FAM13C: variants seen among roughly 807,000 people sequenced by gnomAD.
The protein encoded by FAM13C is family with sequence similarity 13 member C, also known as protein FAM13C.
A neutral mutation model predicts 73.2 loss-of-function variants in FAM13C; 37 were observed. The observed-to-expected ratio is 0.51, with a 90% CI of 0.39 to 0.67. FAM13C has a LOEUF of 0.67. FAM13C is among the 30% of genes least tolerant of loss of function. The pLI is 0.00. For missense variants in FAM13C, 589 were observed against 715.6 expected, an observed-to-expected ratio of 0.82 and a Z score of 2.02; for synonymous variants, 246 against 260.9, an observed-to-expected ratio of 0.94 and a Z score of 0.55.
chr10:59,328,920 T>C (rs2134076774), intron 3 of FAM13C, among the ~76,000 whole-genome samples: 1 of 152,330 alleles, frequency 6.6e-6, no homozygotes, highest in South Asian at 2.1e-4. Flanking sequence ...AAATCTACCC[T>C]ATCCTACATC....
chr10:59,321,889 C>G (rs1279728523), intron 4 of FAM13C, among the ~76,000 whole-genome samples: 1 of 152,096 alleles, frequency 6.6e-6, no homozygotes, highest in Non-Finnish European at 1.5e-5. Context: ...CCTTTTCTTA[C>G]AGTGTTCATT....
chr10:59,305,015 C>T (rs1464505942), intron 4 of FAM13C, among the ~76,000 whole-genome samples: 1 of 152,102 alleles, frequency 6.6e-6, no homozygotes, highest in Non-Finnish European at 1.5e-5. Flanking sequence ...GAGGGCCACA[C>T]CAGGTGCAGC....
At chr10:59,304,885 G>T (rs1326931123) in intron 4 of FAM13C, among the ~76,000 whole-genome samples, 1 of 148,416 alleles carries the variant, frequency 6.7e-6, no homozygotes, top group Non-Finnish European at 1.5e-5. Context: ...TTGTTCCCTA[G>T]AGAACAGCTT....
At chr10:59,300,909 T>A (rs970333138) in intron 5 of FAM13C, 12 of 152,260 alleles carry the variant, frequency 7.9e-5, no homozygotes, top group African/African-American at 1.2e-4. Flanking sequence ...TTCAGCTGTA[T>A]ACCTATGACC....
chr10:59,280,447 C>G (rs548607757), intron 6 of FAM13C, among the ~76,000 whole-genome samples: 1 of 152,288 alleles, frequency 6.6e-6, no homozygotes, highest in Admixed American at 6.5e-5. Context: ...GTTACAAGTC[C>G]CATGTGATCT....
intron 13 of FAM13C, among the ~76,000 whole-genome samples, chr10:59,250,660 T>C (rs1841284804): frequency 6.6e-6 from 1 of 152,152 alleles, no homozygotes; most frequent in African/African-American, 2.4e-5. Context: ...AAAAGTCAAA[T>C]ACAATACCTA....
chr10:59,333,293 C>G (rs1022607414), intron 3 of FAM13C, among the ~76,000 whole-genome samples: 2 of 152,134 alleles, frequency 1.3e-5, no homozygotes, highest in Admixed American at 6.6e-5. Flanking sequence ...TTGAGACCAG[C>G]CTGGCCAACA....
Position 59,252,942 on chromosome 10 carries a change from C to T in FAM13C, c.1389G>A (p.Leu463=). 6.2e-7 allele frequency: 1 copy of T among 1,614,070 alleles called. No homozygotes were observed. The highest frequency in any genetic ancestry group is 8.5e-7 in the Non-Finnish European group (1 of 1,180,000). Residue 463 remains leucine, a synonymous_variant, in exon 12 of 14, where the codon TTG becomes TTA. Coordinates refer to ENST00000618804, the MANE Select transcript of FAM13C (RefSeq NM_198215.4). ...DRPQGSQQPS[L]ADPASHLPVG... is the part of the protein sequence containing the mutation. ...CAGGAAGGTGAGATGCTGGATCTGC[C>T]AAAGAAGGTTGTTGGCTTCCCTGTG...
At chr10:59,347,338 T>C (rs1854435503) in intron 3 of FAM13C, among the ~76,000 whole-genome samples, 1 of 152,094 alleles carries the variant, frequency 6.6e-6, no homozygotes, top group South Asian at 2.1e-4. Context: ...GGTTCATTCT[T>C]ATATAAGTGG....
In FAM13C at chr10:59,333,131, A is replaced by C. The variant is rs543275770; in HGVS notation, c.325-9025T>G. Reference sequence around the variant, plus strand: ...GCCGGGACTACAGGCATACGTTACCATGCCAGGCTTAATTTCTGTGATTTT... The same window carrying C: ...GCCGGGACTACAGGCATACGTTACCCTGCCAGGCTTAATTTCTGTGATTTT... On this transcript the variant is annotated intron_variant, in intron 3 of 13. Coordinates refer to ENST00000618804, the MANE Select transcript of FAM13C (RefSeq NM_198215.4). Among the ~76,000 whole-genome samples the C allele has an allele frequency of 4.6e-3, 704 of 152,226 alleles. 5 individuals are homozygous for C. The highest frequency in any genetic ancestry group is 0.016 in the African/African-American group (677 of 41,534).
chr10:59,301,827 A>C (rs1847638217), intron 5 of FAM13C, among the ~76,000 whole-genome samples: 1 of 152,182 alleles, frequency 6.6e-6, no homozygotes, highest in Admixed American at 6.5e-5. Context: ...TCTTTAGGAC[A>C]CTTTTTACCA....
chr10:59,288,169 A>G (rs891072692), intron 5 of FAM13C, among the ~76,000 whole-genome samples: 3 of 152,210 alleles, frequency 2.0e-5, no homozygotes, highest in Admixed American at 6.5e-5. Flanking sequence ...GAACAGAGGT[A>G]TAATGCCATG....
chr10:59,343,164 T>C (rs1564613114), intron 3 of FAM13C, among the ~76,000 whole-genome samples: 1 of 152,212 alleles, frequency 6.6e-6, no homozygotes, highest in Non-Finnish European at 1.5e-5. Context: ...ATTAATGAGC[T>C]TGAAGTTTCA....
chr10:59,275,535 T>C (rs1046417434), intron 6 of FAM13C, among the ~76,000 whole-genome samples: 6 of 152,176 alleles, frequency 3.9e-5, no homozygotes, highest in Admixed American at 2.6e-4. Context: ...CTAAAATATA[T>C]AGGAAACCTG....
At chr10:59,352,058 G>A (rs1341566001) in intron 3 of FAM13C, among the ~76,000 whole-genome samples, 2 of 152,176 alleles carry the variant, frequency 1.3e-5, no homozygotes, top group African/African-American at 4.8e-5. Context: ...TTAAGAACAC[G>A]TTTTAAGGGG....
At position 59,268,577 on chromosome 10, in the gene FAM13C, T is replaced by C; in HGVS notation, c.918A>G (p.Lys306=). Reference sequence around the variant, plus strand: ...CCCGGTATTTCTTTTCTTGTTCAAATTTTTCTTCAAATTTCCGAATTTTCC... The same window carrying C: ...CCCGGTATTTCTTTTCTTGTTCAAACTTTTCTTCAAATTTCCGAATTTTCC... The part of the protein sequence containing the change: ...LKRKIRKFEE[K]FEQEKKYRPS... Residue 306 remains lysine, a synonymous_variant, in exon 8 of 14, where the codon AAA becomes AAG. Transcript: ENST00000618804. The C allele has an allele frequency of 2.5e-6, 4 of 1,613,814 alleles. No individual in the cohort carries two copies. Among genetic ancestry groups the C allele is most frequent in the African/African-American group, 1.3e-5 (1 of 75,032 alleles).
chr10:59,341,845 G>A (rs951019665), intron 3 of FAM13C, among the ~76,000 whole-genome samples: 1 of 152,112 alleles, frequency 6.6e-6, no homozygotes, highest in African/African-American at 2.4e-5. Flanking sequence ...CATAATTCAA[G>A]CACATCAGTT....
intron 3 of FAM13C, among the ~76,000 whole-genome samples, chr10:59,329,268 C>T (rs747180862): frequency 8.6e-5 from 13 of 150,720 alleles, no homozygotes; most frequent in Non-Finnish European, 1.6e-4. Context: ...CAGGCATAGG[C>T]TCAAAATCCA....
chr10:59,264,353 C>T (rs1842812303), intron 8 of FAM13C, among the ~76,000 whole-genome samples, 187 bp from the exon 9 acceptor site: 1 of 152,146 alleles, frequency 6.6e-6, no homozygotes, highest in South Asian at 2.1e-4. Context: ...GATGAAGTTA[C>T]CTCTAGGAAA....
Sources: allele counts gnomAD v4.1 joint callset (sites outside exome capture counted in the v4.1 genomes callset), GRCh38; gene constraint gnomAD v4.1.1; transcripts MANE v1.5; gene names NCBI Gene and HGNC (gene_info 2026-07-23, HGNC 2026-07-21).